The following TMEM38A variants were observed in gnomAD, a reference collection of about 807,000 sequenced individuals.
TMEM38A encodes the protein trimeric intracellular cation channel type A.
A neutral mutation model predicts 28.6 loss-of-function variants in TMEM38A; 17 were observed. The ratio of observed to expected loss-of-function variants is 0.60; its 90% CI spans 0.41 to 0.89. The LOEUF is 0.89. Among genes scored for constraint, TMEM38A ranks in the 40% least tolerant of loss-of-function variants. TMEM38A has a pLI of 0.00. For synonymous variants in TMEM38A, 169 were observed against 166.1 expected, an observed-to-expected ratio of 1.02 and a Z score of -0.14; for missense variants, 328 against 393.1, an observed-to-expected ratio of 0.83 and a Z score of 1.40.
intron 3 of TMEM38A, among the ~76,000 whole-genome samples, chr19:16,681,717 A>G (rs1302313912): frequency 2.0e-5 from 3 of 152,128 alleles, no homozygotes; most frequent in Non-Finnish European, 4.4e-5. Flanking sequence ...GCCTCGACTC[A>G]CTAAATACCA....
intron 1 of TMEM38A, among the ~76,000 whole-genome samples, 188 bp from the exon 2 acceptor site, chr19:16,679,796 C>T (rs1338865060): frequency 1.3e-5 from 2 of 152,218 alleles, no homozygotes; most frequent in Non-Finnish European, 2.9e-5. Flanking sequence ...CCACTCGGCT[C>T]TCTATTTTCT....
chr19:16,684,696 A>C (rs1438134550), intron 4 of TMEM38A, among the ~76,000 whole-genome samples: 3 of 152,130 alleles, frequency 2.0e-5, no homozygotes, highest in African/African-American at 7.2e-5. Flanking sequence ...GGACTCAGAG[A>C]ACTTAGCAAA....
Position 16,661,767 on chromosome 19 carries a change from T to C in TMEM38A, c.124+426T>C, listed in dbSNP as rs2086681421. ...GCGGATTGAGAGCGCCAGCGGAGTGTCTATAAGGGCCACTGCGCTGGGGGC... is the reference window on the plus strand; with the variant it reads ...GCGGATTGAGAGCGCCAGCGGAGTGCCTATAAGGGCCACTGCGCTGGGGGC... On this transcript the variant is annotated intron_variant, in intron 1 of 5. Transcript: ENST00000187762. This position sits in a 1 kb window ranked among gnomAD's most constrained non-coding sequence, Gnocchi z 6.5. Among the ~76,000 whole-genome samples the C allele has an allele frequency of 8.5e-6, 1 of 117,720 alleles. No individual in the cohort carries two copies. Among genetic ancestry groups the C allele is most frequent in the Non-Finnish European group, 1.5e-5 (1 of 65,542 alleles). 77.2% of individuals were successfully genotyped at this position (117,720 alleles called of 152,430 possible).
chr19:16,676,513 A>G (rs529134584), intron 1 of TMEM38A, among the ~76,000 whole-genome samples: 2 of 152,334 alleles, frequency 1.3e-5, no homozygotes, highest in Non-Finnish European at 1.5e-5. Context: ...CAACTTGATC[A>G]TAAAGTTGTT....
chr19:16,668,635 C>T lies in TMEM38A; in HGVS notation c.124+7294C>T, dbSNP rs140633704. On this transcript the variant is annotated intron_variant, in intron 1 of 5. Coordinates refer to ENST00000187762, the MANE Select transcript of TMEM38A (RefSeq NM_024074.4). The stretch of plus-strand genomic sequence containing the variant: ...GATTACAGACATGAGCCACTGCACC[C>T]GGCCAACCACTGATCTTTCTTTCTA... Among the ~76,000 whole-genome samples, 15 of 152,086 alleles carry T rather than the reference C, an allele frequency of 9.9e-5. No individual in the cohort carries two copies. The East Asian group carries it at 2.3e-3, about 24-fold the overall frequency.
At position 16,661,697 on chromosome 19, in the gene TMEM38A, G is replaced by C. The variant is rs2086680241; in HGVS notation, c.124+356G>C. Reference sequence around the variant, plus strand: ...GGTGCAGGTGGGGGTCGGTGCATCTGTTCTGGCCGCGCGCAGGTGTGACCT... The same window carrying C: ...GGTGCAGGTGGGGGTCGGTGCATCTCTTCTGGCCGCGCGCAGGTGTGACCT... On this transcript the variant is annotated intron_variant, in intron 1 of 5. Coordinates refer to ENST00000187762, the MANE Select transcript of TMEM38A (RefSeq NM_024074.4). The surrounding 1 kb of genome is among the most constrained non-coding windows in gnomAD (Gnocchi z 6.5). Among the ~76,000 whole-genome samples the C allele has an allele frequency of 6.6e-6, 1 of 152,036 alleles. No homozygotes were observed. Among genetic ancestry groups the C allele is most frequent in the East Asian group, 1.9e-4 (1 of 5,182 alleles).
At chr19:16,674,684 A>G (rs2086742327) in intron 1 of TMEM38A, among the ~76,000 whole-genome samples, 1 of 152,006 alleles carries the variant, frequency 6.6e-6, no homozygotes, top group African/African-American at 2.4e-5. Flanking sequence ...CTGTAATCCT[A>G]GCTAGTCGGG....
intron 1 of TMEM38A, among the ~76,000 whole-genome samples, chr19:16,673,342 A>T (rs552621343): frequency 1.3e-5 from 2 of 152,290 alleles, no homozygotes; most frequent in South Asian, 4.1e-4. Flanking sequence ...TTGGCCTCCC[A>T]AAGTGCTGGG....
In TMEM38A at chr19:16,688,266, C is replaced by T; in HGVS notation, c.795C>T (p.Ser265=). Reference sequence around the variant, plus strand: ...ATCACCACGACAACCATGGTGGGTCCCACAGCGGTGGTGGGCCAGGAGCTC... The same window carrying T: ...ATCACCACGACAACCATGGTGGGTCTCACAGCGGTGGTGGGCCAGGAGCTC... ...GDHHHDNHGG[S]HSGGGPGAQH... is the part of the protein sequence containing the mutation. The change falls in exon 6 of 6, where the codon TCC becomes TCT. Residue 265 remains serine, a synonymous_variant. Coordinates refer to ENST00000187762, the MANE Select transcript of TMEM38A (RefSeq NM_024074.4). 1.2e-6 allele frequency: 2 copies of T among 1,607,238 alleles called. No homozygotes were observed. Among genetic ancestry groups the T allele is most frequent in the Non-Finnish European group, 1.7e-6 (2 of 1,176,712 alleles).
At chr19:16,683,584 C>T (rs2086789989) in intron 4 of TMEM38A, among the ~76,000 whole-genome samples, 1 of 128,780 alleles carries the variant, frequency 7.8e-6, no homozygotes, top group Admixed American at 8.1e-5. Context: ...CAGAGCAAGA[C>T]CTTGTCTCAA....
intron 4 of TMEM38A, among the ~76,000 whole-genome samples, chr19:16,684,141 CAG>C (rs10687050): frequency 0.084 from 12,316 of 146,938 alleles, 538 homozygotes; most frequent in African/African-American, 0.12. Context: ...AAGAAAGAAA[CAG>C]AGAGAGAGAG....
intron 5 of TMEM38A, among the ~76,000 whole-genome samples, chr19:16,687,492 G>C (rs2122602388): frequency 6.6e-6 from 1 of 152,334 alleles, no homozygotes; most frequent in South Asian, 2.1e-4. Flanking sequence ...TTGCACTCCA[G>C]TTTGGGCAAC....
Position 16,668,364 on chromosome 19 carries a change from G to A in TMEM38A, c.124+7023G>A, listed in dbSNP as rs186590063. 9.1e-4 allele frequency among the ~76,000 whole-genome samples: 138 copies of A among 152,046 alleles called. 1 individual carries two copies. Among genetic ancestry groups the A allele is most frequent in the African/African-American group, 3.2e-3 (132 of 41,506 alleles). On this transcript the variant is annotated intron_variant, in intron 1 of 5. Coordinates refer to ENST00000187762, the MANE Select transcript of TMEM38A (RefSeq NM_024074.4). Reference sequence around the variant, plus strand: ...GTTGGAGACCAGCCTGGCCAACACAGTGAAACCCTGTCTCTACTAAAAATA... The same window carrying A: ...GTTGGAGACCAGCCTGGCCAACACAATGAAACCCTGTCTCTACTAAAAATA...
chr19:16,684,829 A>G (rs1199824185), intron 4 of TMEM38A, among the ~76,000 whole-genome samples: 1 of 150,594 alleles, frequency 6.6e-6, no homozygotes, highest in Non-Finnish European at 1.5e-5. Flanking sequence ...GCTCAAGGCC[A>G]GGAGTTCAAG....
At chr19:16,662,485 G>C (rs1027718391) in intron 1 of TMEM38A, among the ~76,000 whole-genome samples, 1 of 118,762 alleles carries the variant, frequency 8.4e-6, no homozygotes, top group Non-Finnish European at 1.6e-5. Context: ...ATGGAGTTTC[G>C]CTCTGTCGCC....
chr19:16,679,332 G>T (rs1223713618), intron 1 of TMEM38A, among the ~76,000 whole-genome samples: 1 of 149,328 alleles, frequency 6.7e-6, no homozygotes, highest in East Asian at 2.0e-4. Context: ...TTGCTCTGTT[G>T]CCCAGGCTGG....
intron 3 of TMEM38A, among the ~76,000 whole-genome samples, chr19:16,681,125 C>T (rs78259136): frequency 0.024 from 3,726 of 152,190 alleles, 134 homozygotes; most frequent in Admixed American, 0.086. Context: ...CAGACCCTTT[C>T]GTGTGCAGAA....
intron 1 of TMEM38A, among the ~76,000 whole-genome samples, chr19:16,672,446 A>ATTTTTTTTG (rs2086731743): frequency 9.5e-6 from 1 of 105,024 alleles, no homozygotes; most frequent in African/African-American, 4.3e-5. Flanking sequence ...AAAAAACCTC[A>ATTTTTTTTG]TTTTTTTTTT....
chr19:16,679,009 CATG>C (rs1383225736), intron 1 of TMEM38A, among the ~76,000 whole-genome samples: 3 of 151,290 alleles, frequency 2.0e-5, no homozygotes, highest in African/African-American at 7.3e-5. Flanking sequence ...ATTAGCCAGG[CATG>C]GTGGTGGCTG....
Sources: gnomAD v4.1 joint callset for allele counts (sites outside exome capture counted in the v4.1 genomes callset) on GRCh38, gnomAD v4.1.1 for gene constraint, Gnocchi (gnomAD v3.1) non-coding constraint, MANE v1.5 for transcripts, NCBI Gene and HGNC (gene_info 2026-07-23, HGNC 2026-07-21) for gene names.